EFCAB3: variants seen among roughly 807,000 people sequenced by gnomAD.
EFCAB3 encodes EF-hand calcium binding domain 3, also known as EF-hand calcium-binding domain-containing protein 3.
In EFCAB3, 36 loss-of-function variants were observed where a neutral mutation model predicts 42.2. That is an observed-to-expected ratio of 0.85 (90% CI 0.65 to 1.13). The LOEUF is 1.13. Among genes scored for constraint, EFCAB3 ranks in the 50% most tolerant of loss-of-function variants. EFCAB3 has a pLI of 0.00. For missense variants in EFCAB3, 418 were observed against 505.1 expected (o/e 0.83, Z 1.65); for synonymous variants, 170 against 172.8 (o/e 0.98, Z 0.13).
upstream of EFCAB3, among the ~76,000 whole-genome samples, chr17:62,376,114 T>C (rs916994488): frequency 1.3e-5 from 2 of 152,214 alleles, no homozygotes; most frequent in African/African-American, 4.8e-5. Flanking sequence ...TTTCATATTT[T>C]TAGAAATTTC....
At chr17:62,373,929 CTG>C (rs1306474710) in intron 2 of EFCAB3, 10 of 855,288 alleles carry the variant, frequency 1.2e-5, no homozygotes, top group South Asian at 1.9e-5. Flanking sequence ...GTATTTTTAT[CTG>C]TGTTTTCTTG....
chr17:62,413,435 C>T (rs2070516788), intron 8 of EFCAB3, among the ~76,000 whole-genome samples: 1 of 152,070 alleles, frequency 6.6e-6, no homozygotes, highest in African/African-American at 2.4e-5. Context: ...ATTGGTTCAC[C>T]CTCTACAGAG....
intron 6 of EFCAB3, among the ~76,000 whole-genome samples, chr17:62,396,905 T>C (rs2070355005): frequency 6.6e-6 from 1 of 152,122 alleles, no homozygotes; most frequent in African/African-American, 2.4e-5. Flanking sequence ...AATAAAATTT[T>C]TTTAAAAAGA....
chr17:62,390,158 G>A (rs940266375), intron 3 of EFCAB3, among the ~76,000 whole-genome samples: 1 of 152,178 alleles, frequency 6.6e-6, no homozygotes, highest in Non-Finnish European at 1.5e-5. Flanking sequence ...GGGAAATGGG[G>A]TCACAGTGTA....
intron 1 of EFCAB3, 56 bp from the exon 2 acceptor site, chr17:62,382,907 G>T: frequency 6.7e-7 from 1 of 1,498,750 alleles, no homozygotes; most frequent in Non-Finnish European, 9.0e-7. Context: ...AGTTGCAAAA[G>T]AATATAAAGA....
At chr17:62,398,025 C>CAAAAAAA in intron 6 of EFCAB3, 4 of 93,690 alleles carry the variant, frequency 4.3e-5, no homozygotes, top group Admixed American at 1.6e-4. Context: ...GACTCCATCT[C>CAAAAAAA]AAAAAAAAAA....
intron 6 of EFCAB3, among the ~76,000 whole-genome samples, chr17:62,401,393 G>C (rs1037904299): frequency 6.6e-6 from 1 of 152,148 alleles, no homozygotes; most frequent in African/African-American, 2.4e-5. Flanking sequence ...TATTGCCTAG[G>C]TTTTCTTCTA....
chr17:62,406,214 A>C (rs1327253432), intron 6 of EFCAB3, among the ~76,000 whole-genome samples: 1 of 152,158 alleles, frequency 6.6e-6, no homozygotes, highest in Non-Finnish European at 1.5e-5. Flanking sequence ...TCTAAAAAAA[A>C]CAAAAACAAA....
intron 6 of EFCAB3, among the ~76,000 whole-genome samples, chr17:62,403,197 C>G (rs916645109): frequency 5.9e-5 from 9 of 152,184 alleles, no homozygotes; most frequent in African/African-American, 2.2e-4. Flanking sequence ...GTGTATTTAC[C>G]CAACTGTCTG....
intron 2 of EFCAB3, 142 bp downstream of exon 2, chr17:62,383,195 G>GC: frequency 1.4e-6 from 1 of 723,790 alleles, no homozygotes; most frequent in East Asian, 2.9e-5. Context: ...GAGATTATTG[G>GC]CCAGATGCAG....
intron 2 of EFCAB3, 106 bp downstream of exon 2, chr17:62,383,159 A>G: frequency 9.5e-7 from 1 of 1,051,004 alleles, no homozygotes; most frequent in Non-Finnish European, 1.4e-6. Flanking sequence ...CTTTACTGGG[A>G]AGCCCCTAAA....
intron 6 of EFCAB3, among the ~76,000 whole-genome samples, chr17:62,400,200 A>T (rs2070388615): frequency 6.8e-6 from 1 of 148,028 alleles, no homozygotes; most frequent in East Asian, 2.0e-4. Context: ...AACTTAATTT[A>T]TCTCTTTGTC....
intron 6 of EFCAB3, among the ~76,000 whole-genome samples, chr17:62,401,939 T>C (rs2144098853): frequency 6.6e-6 from 1 of 152,326 alleles, no homozygotes; most frequent in Middle Eastern, 3.4e-3. Context: ...TGTTCTTCCA[T>C]TTGTTTGTGT....
chr17:62,401,430 T>C (rs1408698442), intron 6 of EFCAB3, among the ~76,000 whole-genome samples: 2 of 152,248 alleles, frequency 1.3e-5, no homozygotes, highest in South Asian at 4.1e-4. Context: ...AGGTCTGACA[T>C]TTAAGTCTTT....
intron 2 of EFCAB3, among the ~76,000 whole-genome samples, chr17:62,384,836 C>T (rs2070234873): frequency 6.6e-6 from 1 of 152,158 alleles, no homozygotes; most frequent in African/African-American, 2.4e-5. Flanking sequence ...AACTCTACTT[C>T]AAATACTCAT....
intron 6 of EFCAB3, among the ~76,000 whole-genome samples, chr17:62,399,314 T>G (rs2070381217): frequency 6.6e-6 from 1 of 151,980 alleles, no homozygotes; most frequent in Non-Finnish European, 1.5e-5. Flanking sequence ...ATTACAGGTG[T>G]GCACCATCAC....
intron 9 of EFCAB3, among the ~76,000 whole-genome samples, chr17:62,415,546 A>C (rs1228378977): frequency 6.6e-6 from 1 of 152,058 alleles, no homozygotes; most frequent in Non-Finnish European, 1.5e-5. Context: ...CACCTCCAGG[A>C]TATTTACTGC....
intron 8 of EFCAB3, among the ~76,000 whole-genome samples, chr17:62,413,313 T>C (rs1468423678): frequency 1.3e-5 from 2 of 152,216 alleles, no homozygotes; most frequent in African/African-American, 4.8e-5. Flanking sequence ...TTCAACCTCA[T>C]TCCTCATAAA....
At chr17:62,370,877 C>T (rs997095552) in intron 1 of EFCAB3, among the ~76,000 whole-genome samples, 1 of 150,432 alleles carries the variant, frequency 6.6e-6, no homozygotes, top group Non-Finnish European at 1.5e-5. Flanking sequence ...CTCTTGAGGC[C>T]AAAAGCTCAA....
Sources: allele counts gnomAD v4.1 joint callset (sites outside exome capture counted in the v4.1 genomes callset), GRCh38; gene constraint gnomAD v4.1.1; transcripts MANE v1.5; gene names NCBI Gene and HGNC (gene_info 2026-07-23, HGNC 2026-07-21).